The following ME3 variants were observed in gnomAD, a reference collection of about 807,000 sequenced individuals.
ME3 encodes the protein malic enzyme 3, also known as NADP-dependent malic enzyme, mitochondrial.
A neutral mutation model predicts 68.9 loss-of-function variants in ME3; 48 were observed. The observed-to-expected ratio is 0.70, with a 90% CI of 0.55 to 0.89. The LOEUF is 0.89. ME3 is among the 40% of genes least tolerant of loss of function. The pLI is 0.00. For synonymous variants in ME3, 320 were observed against 318.8 expected (o/e 1.00, Z -0.04); for missense variants, 675 against 797.4 (o/e 0.85, Z 1.85).
intron 2 of ME3, among the ~76,000 whole-genome samples, chr11:86,654,447 C>G (rs539190243): frequency 3.4e-4 from 52 of 152,186 alleles, no homozygotes; most frequent in Non-Finnish European, 6.6e-4. Flanking sequence ...TCAACATATG[C>G]AAATCAATAA....
At chr11:86,634,056 T>C (rs1476988392) in intron 2 of ME3, among the ~76,000 whole-genome samples, 1 of 152,008 alleles carries the variant, frequency 6.6e-6, no homozygotes, top group Non-Finnish European at 1.5e-5. Context: ...CCCAAATCCC[T>C]CCCAAAATAC....
At chr11:86,670,019 C>A (rs1361415932) in intron 2 of ME3, among the ~76,000 whole-genome samples, 1 of 152,150 alleles carries the variant, frequency 6.6e-6, no homozygotes, top group African/African-American at 2.4e-5. Flanking sequence ...TCTATATTCC[C>A]TTTATTCCAA....
intron 4 of ME3, among the ~76,000 whole-genome samples, chr11:86,529,451 C>T (rs1221494076): frequency 6.6e-6 from 1 of 152,174 alleles, no homozygotes; most frequent in Non-Finnish European, 1.5e-5. Context: ...GGTACCATTC[C>T]TTCTGAAACT....
At chr11:86,607,958 C>G (rs1391775275) in intron 2 of ME3, among the ~76,000 whole-genome samples, 1 of 152,122 alleles carries the variant, frequency 6.6e-6, no homozygotes, top group African/African-American at 2.4e-5. Flanking sequence ...CATGTCTCCC[C>G]TGGGTGCCAG....
chr11:86,526,558 C>G (rs577096389), intron 4 of ME3, among the ~76,000 whole-genome samples: 2 of 152,320 alleles, frequency 1.3e-5, no homozygotes, highest in South Asian at 4.1e-4. Context: ...TGAGAATGGC[C>G]AGACTGCCTC....
Position 86,575,012 on chromosome 11 carries a change from T to C in ME3, c.184-15189A>G, listed in dbSNP as rs1400278915. ...TTGTCCAGCCTGGGCAGGGGCCAAC[T>C]TGTTCTCAGATGCAGCAAGGTGTGG... is the stretch of plus-strand genomic sequence containing the variant. On this transcript the variant is annotated intron_variant, in intron 2 of 14. Coordinates refer to ENST00000543262, the Ensembl canonical transcript of ME3. Among the ~76,000 whole-genome samples, 2 of 121,358 alleles carry C rather than the reference T, an allele frequency of 1.6e-5. 1 individual carries two copies. Among genetic ancestry groups the C allele is most frequent in the Non-Finnish European group, 3.5e-5 (2 of 57,150 alleles). 79.6% of individuals were successfully genotyped at this position (121,358 alleles called of 152,430 possible). A position where few individuals can be genotyped will look rare whatever the true frequency, so the allele number is the denominator to read the frequency against.
chr11:86,538,314 GTC>G (rs917042762), intron 4 of ME3, among the ~76,000 whole-genome samples: 12 of 152,192 alleles, frequency 7.9e-5, no homozygotes, highest in African/African-American at 2.9e-4. Context: ...CCTTAGGCAA[GTC>G]TCTGCCTCCT....
intron 4 of ME3, among the ~76,000 whole-genome samples, chr11:86,522,880 T>C (rs1362140282): frequency 3.3e-5 from 5 of 152,222 alleles, no homozygotes; most frequent in Admixed American, 3.3e-4. Flanking sequence ...ATTTAAAGTA[T>C]ATTGTAGGAT....
chr11:86,601,348 G>T (rs9667152), intron 2 of ME3, among the ~76,000 whole-genome samples: 26,436 of 152,006 alleles, frequency 0.17, 2,655 homozygotes, highest in East Asian at 0.39. Flanking sequence ...AACTAGAAAA[G>T]GTAGAAGAAA....
At chr11:86,645,974 G>A (rs1944984810) in intron 2 of ME3, among the ~76,000 whole-genome samples, 1 of 152,124 alleles carries the variant, frequency 6.6e-6, no homozygotes, top group Non-Finnish European at 1.5e-5. Flanking sequence ...ACTGTTAGAA[G>A]GAAAACTTAC....
chr11:86,602,158 C>G (rs1960795846), intron 2 of ME3, among the ~76,000 whole-genome samples: 1 of 151,516 alleles, frequency 6.6e-6, no homozygotes, highest in African/African-American at 2.4e-5. Context: ...AAGAGGAAGT[C>G]AAATTGTCCC....
At chr11:86,596,128 G>A (rs924015902) in intron 2 of ME3, among the ~76,000 whole-genome samples, 24 of 152,124 alleles carry the variant, frequency 1.6e-4, no homozygotes, top group Admixed American at 9.8e-4. Flanking sequence ...TTCCCTTAAC[G>A]GTTGCCTTCG....
At chr11:86,456,019 C>T (rs1161949207) in intron 8 of ME3, among the ~76,000 whole-genome samples, 2 of 152,230 alleles carry the variant, frequency 1.3e-5, no homozygotes, top group South Asian at 2.1e-4. Context: ...CTCTGCCTCC[C>T]TCCAAGTAAC....
chr11:86,625,478 C>A (rs554598432), intron 2 of ME3, among the ~76,000 whole-genome samples: 30 of 152,282 alleles, frequency 2.0e-4, no homozygotes, highest in African/African-American at 6.0e-4. Context: ...CAGCTCATGA[C>A]TGGGGAGAAT....
chr11:86,539,549 T>C (rs1344967835), intron 4 of ME3, among the ~76,000 whole-genome samples: 3 of 152,218 alleles, frequency 2.0e-5, no homozygotes, highest in African/African-American at 4.8e-5. Flanking sequence ...AAGATGGTGC[T>C]TAACCAATGC....
chr11:86,574,397 CGGGGG>C (rs376489722), intron 2 of ME3, among the ~76,000 whole-genome samples: 1 of 58,044 alleles, frequency 1.7e-5, no homozygotes, highest in Non-Finnish European at 3.7e-5. Flanking sequence ...TATTTGTTGC[CGGGGG>C]GGGGGGGGGT....
intron 2 of ME3, among the ~76,000 whole-genome samples, chr11:86,560,679 T>C (rs1957160664): frequency 6.7e-6 from 1 of 150,082 alleles, no homozygotes; most frequent in African/African-American, 2.5e-5. Flanking sequence ...TGTATATAGA[T>C]AGATAAATAT....
At chr11:86,634,339 A>G (rs893564439) in intron 2 of ME3, among the ~76,000 whole-genome samples, 5 of 152,166 alleles carry the variant, frequency 3.3e-5, no homozygotes, top group East Asian at 1.9e-4. Context: ...TTAGACTGCT[A>G]TGATGTTCCC....
intron 4 of ME3, among the ~76,000 whole-genome samples, chr11:86,545,393 A>G (rs140928922): frequency 1.6e-3 from 250 of 152,366 alleles, no homozygotes; most frequent in Middle Eastern, 0.01. Flanking sequence ...CTGTTTGCAA[A>G]TAACATGGTG....
Sources: gnomAD v4.1 joint callset for allele counts (sites outside exome capture counted in the v4.1 genomes callset) on GRCh38, gnomAD v4.1.1 for gene constraint, MANE v1.5 for transcripts, NCBI Gene and HGNC (gene_info 2026-07-23, HGNC 2026-07-21) for gene names.